MTRF1: variants seen among roughly 807,000 people sequenced by gnomAD.
MTRF1 encodes the protein mitochondrial translation release factor 1.
MTRF1 carries 51 observed loss-of-function variants against 62.9 expected under a neutral mutation model. The observed-to-expected ratio is 0.81, with a 90% CI of 0.65 to 1.02. The LOEUF (loss-of-function observed/expected upper bound fraction) is 1.02, where lower values mean the gene tolerates loss of function less well. Among genes scored for constraint, MTRF1 ranks in the 50% least tolerant of loss-of-function variants. The probability of loss-of-function intolerance (pLI) is 0.00; values close to 1 mark genes in which losing one functional copy is unlikely to be tolerated. For synonymous variants in MTRF1, 158 were observed against 181.9 expected (o/e 0.87, Z 1.06); for missense variants, 446 against 530.0 (o/e 0.84, Z 1.56).
the MTRF1 span, among the ~76,000 whole-genome samples, chr13:41,284,815 G>A: frequency 6.6e-6 from 1 of 152,066 alleles, no homozygotes; most frequent in Non-Finnish European, 1.5e-5. Flanking sequence ...CACCACAACT[G>A]GCTAACTTTT....
At chr13:41,311,155 C>T in the MTRF1 span, 2 of 354,646 alleles carry the variant, frequency 5.6e-6, no homozygotes, top group East Asian at 6.5e-5. Flanking sequence ...AAGGCAAATC[C>T]ACGCGGTTGG....
chr13:41,255,906 A>C (rs1290225888), intron 2 of MTRF1, among the ~76,000 whole-genome samples: 2 of 152,066 alleles, frequency 1.3e-5, no homozygotes, highest in Non-Finnish European at 2.9e-5. Context: ...TGGAGACTTT[A>C]TTTGTCAGTG....
At chr13:41,242,529 T>A (rs2037650589) in intron 5 of MTRF1, among the ~76,000 whole-genome samples, 1 of 152,214 alleles carries the variant, frequency 6.6e-6, no homozygotes, top group Admixed American at 6.5e-5. Flanking sequence ...TCTAAGCCTT[T>A]TCAGTGGCCA....
chr13:41,240,997 G>A (rs2037411322), intron 5 of MTRF1, among the ~76,000 whole-genome samples: 1 of 152,112 alleles, frequency 6.6e-6, no homozygotes, highest in Non-Finnish European at 1.5e-5. Context: ...GCTTATCTAT[G>A]GAGTGGGAAG....
the MTRF1 span, among the ~76,000 whole-genome samples, chr13:41,293,199 T>G: frequency 6.6e-6 from 1 of 152,260 alleles, no homozygotes; most frequent in South Asian, 2.1e-4. Flanking sequence ...CATATATACA[T>G]GTATTATATG....
At chr13:41,263,157 A>C (rs1328732082) in intron 1 of MTRF1, 1 of 643,822 alleles carries the variant, frequency 1.6e-6, no homozygotes, top group Non-Finnish European at 2.5e-6. Context: ...ACGAATACTT[A>C]TTGCTAAAAT....
the MTRF1 span, among the ~76,000 whole-genome samples, chr13:41,307,980 T>C: frequency 6.6e-6 from 1 of 152,132 alleles, no homozygotes; most frequent in African/African-American, 2.4e-5. Flanking sequence ...GGATTGCAGA[T>C]TTTCTTTGCG....
intron 2 of MTRF1, 114 bp downstream of exon 2, chr13:41,260,379 G>A: frequency 9.4e-7 from 1 of 1,064,204 alleles, no homozygotes; most frequent in Non-Finnish European, 1.3e-6. Flanking sequence ...CAAAGACTAA[G>A]TTCAATAAAG....
chr13:41,301,356 G>T, the MTRF1 span, among the ~76,000 whole-genome samples: 4 of 152,266 alleles, frequency 2.6e-5, no homozygotes, highest in Non-Finnish European at 5.9e-5. Context: ...ATCGCAGAAT[G>T]GTGACCCAAC....
At position 41,233,980 on chromosome 13, in the gene MTRF1, A is replaced by T; in HGVS notation, c.898T>A (p.Leu300Met). 4.3e-6 allele frequency: 7 copies of T among 1,614,094 alleles called. 1 individual carries two copies. The East Asian group carries it at 6.7e-5, about 15-fold the overall frequency. Residue 300 changes from leucine (L) to methionine (M), a missense_variant, in exon 7 of 10, where the codon TTG becomes ATG. Coordinates refer to ENST00000379480, the MANE Select transcript of MTRF1 (RefSeq NM_004294.4). Reference protein sequence around the residue: ...EVDVKLDPKDLRIDTFRAKGA... With the variant: ...EVDVKLDPKDMRIDTFRAKGA... ...TTGGCTCGAAATGTATCTATTCGCA[A>T]ATCCTTGGGGTCCAATTTCACATCC...
intron 2 of MTRF1, among the ~76,000 whole-genome samples, 174 bp from the exon 3 acceptor site, chr13:41,254,794 C>T (rs1177202235): frequency 6.6e-6 from 1 of 150,454 alleles, no homozygotes; most frequent in Non-Finnish European, 1.5e-5. Flanking sequence ...ATTTGCTAAG[C>T]ATTTCCAAAA....
the MTRF1 span, among the ~76,000 whole-genome samples, chr13:41,280,506 G>A: frequency 1.3e-5 from 2 of 152,104 alleles, no homozygotes; most frequent in Admixed American, 1.3e-4. Flanking sequence ...TGTGTCACGG[G>A]CTGTGGTCAC....
chr13:41,311,512 C>T, the MTRF1 span: 12 of 1,593,592 alleles, frequency 7.5e-6, no homozygotes, highest in South Asian at 6.8e-5. Flanking sequence ...GGCCACCTAG[C>T]CTCCCTGCCG....
At chr13:41,227,904 T>C (rs1472812538) in intron 7 of MTRF1, among the ~76,000 whole-genome samples, 1 of 152,252 alleles carries the variant, frequency 6.6e-6, no homozygotes, top group African/African-American at 2.4e-5. Context: ...CTGGTTGGAC[T>C]GGGGGCACTG....
the MTRF1 span, among the ~76,000 whole-genome samples, chr13:41,285,252 C>G: frequency 1.3e-5 from 2 of 152,302 alleles, no homozygotes; most frequent in African/African-American, 4.8e-5. Context: ...CTTCTAAACT[C>G]TCCTATAAAA....
intron 2 of MTRF1, 134 bp downstream of exon 2, chr13:41,260,358 GA>G (rs138213476): frequency 7.6e-4 from 624 of 816,272 alleles, no homozygotes; most frequent in Middle Eastern, 1.2e-3. Context: ...GCTTCTGTGG[GA>G]AAAAAAAAAC....
intron 5 of MTRF1, among the ~76,000 whole-genome samples, chr13:41,242,281 T>C (rs1381829107): frequency 6.6e-6 from 1 of 152,236 alleles, no homozygotes; most frequent in Non-Finnish European, 1.5e-5. Context: ...AGTCCCATCG[T>C]TGGCCCATAG....
At chr13:41,299,165 C>T in the MTRF1 span, among the ~76,000 whole-genome samples, 2 of 150,444 alleles carry the variant, frequency 1.3e-5, no homozygotes, top group East Asian at 3.9e-4. Context: ...TGCACTCCAG[C>T]CTGGGTGACA....
In MTRF1 at chr13:41,217,127, T is replaced by C. The variant is rs766010462; in HGVS notation, c.1326A>G (p.Lys442=). 1.9e-6 allele frequency: 3 copies of C among 1,598,902 alleles called. No individual in the cohort carries two copies. The highest frequency in any genetic ancestry group is 2.6e-6 in the Non-Finnish European group (3 of 1,169,158). ...AIAELLDEHL[K]SAK is the part of the protein sequence containing the mutation. ...AATAAGTTAGTATTTATTTTGCTGA[T>C]TTAAGGTGTTCATCCAAAAGTTCAG... The change falls in exon 10 of 10, where the codon AAA becomes AAG. Residue 442 remains lysine (K), a synonymous_variant. Coordinates refer to ENST00000379480, the MANE Select transcript of MTRF1 (RefSeq NM_004294.4).
Sources: allele counts gnomAD v4.1 joint callset (sites outside exome capture counted in the v4.1 genomes callset), GRCh38; gene constraint gnomAD v4.1.1; transcripts MANE v1.5; gene names NCBI Gene and HGNC (gene_info 2026-07-23, HGNC 2026-07-21).